Variants in VSIR observed in about 807,000 individuals in gnomAD.
The protein encoded by VSIR is V-set immunoregulatory receptor.
VSIR carries 10 observed loss-of-function variants against 31.0 expected under a neutral mutation model. The ratio of observed to expected loss-of-function variants is 0.32; its 90% CI spans 0.20 to 0.55. The LOEUF (loss-of-function observed/expected upper bound fraction) is 0.55. Ranked by LOEUF, VSIR falls within the 20% of genes least tolerant of loss-of-function variation. The probability of loss-of-function intolerance (pLI) is 0.93; values close to 1 mark genes in which losing one functional copy is unlikely to be tolerated. For synonymous variants in VSIR, 179 were observed against 180.1 expected (o/e 0.99, Z 0.05); for missense variants, 356 against 416.2 (o/e 0.86, Z 1.26).
chr10:71,753,084 C>A, intron 4 of VSIR, 82 bp from the exon 5 acceptor site: 2 of 1,534,238 alleles, frequency 1.3e-6, no homozygotes, highest in Non-Finnish European at 1.8e-6. Context: ...GGCAGATGCC[C>A]TGCAGGGAAC....
intron 1 of VSIR, among the ~76,000 whole-genome samples, chr10:71,773,110 A>G (rs556608119): frequency 1.6e-4 from 25 of 152,270 alleles, no homozygotes; most frequent in Non-Finnish European, 1.3e-4. Context: ...CCCTCAGGGG[A>G]CAGCCCTGCC....
At chr10:71,764,170 G>C (rs1358947313) in intron 1 of VSIR, among the ~76,000 whole-genome samples, 1 of 152,180 alleles carries the variant, frequency 6.6e-6, no homozygotes, top group Non-Finnish European at 1.5e-5. Flanking sequence ...GAGCATGGGG[G>C]ACTTCAGGTA....
chr10:71,769,303 TC>T (rs1437238013), intron 1 of VSIR, among the ~76,000 whole-genome samples: 1 of 152,204 alleles, frequency 6.6e-6, no homozygotes, highest in African/African-American at 2.4e-5. Context: ...GTTTTCAGAC[TC>T]CGAGCCTTCC....
chr10:71,755,240 C>T, intron 4 of VSIR, 119 bp downstream of exon 4: 2 of 956,072 alleles, frequency 2.1e-6, no homozygotes, highest in Non-Finnish European at 3.2e-6. Context: ...CTGCTCCCAA[C>T]TCTCAAATGA....
At chr10:71,765,835 T>C (rs1468516251) in intron 1 of VSIR, among the ~76,000 whole-genome samples, 2 of 152,114 alleles carry the variant, frequency 1.3e-5, no homozygotes, top group Non-Finnish European at 2.9e-5. Context: ...TGTTCAGTTT[T>C]CAAGCAAGAG....
chr10:71,761,716 G>A lies in VSIR; in HGVS notation c.393C>T (p.Ile131=). The A allele has an allele frequency of 6.2e-7, 1 of 1,614,124 alleles. No homozygotes were observed. Among genetic ancestry groups the A allele is most frequent in the Non-Finnish European group, 8.5e-7 (1 of 1,180,042 alleles). The part of the protein sequence containing the change: ...SASDHHGNFS[I]TMRNLTLLDS... ...CCAGCAGGGTCAGGTTGCGCATGGT[G>A]ATGGAGAAGTTGCCATGGTGGTCGG... is the stretch of plus-strand genomic sequence containing the variant. Residue 131 remains isoleucine (I), a synonymous_variant, in exon 2 of 7, where the codon ATC becomes ATT. Coordinates refer to ENST00000394957, the MANE Select transcript of VSIR (RefSeq NM_022153.2).
Position 71,748,551 on chromosome 10 carries a change from G to C in VSIR, c.*2702C>G, listed in dbSNP as rs762380043. The stretch of plus-strand genomic sequence containing the variant: ...GTCTCTATTAAACTGTGAATGTCAG[G>C]AGATAGGTAAGATGGCCCCTAATTC... On this transcript the variant is annotated 3_prime_UTR_variant, in exon 7 of 7. Coordinates refer to ENST00000394957, the MANE Select transcript of VSIR (RefSeq NM_022153.2). 1 of 152,272 alleles carries C rather than the reference G, an allele frequency of 6.6e-6. No individual in the cohort carries two copies. Among genetic ancestry groups the C allele is most frequent in the Non-Finnish European group, 1.5e-5 (1 of 68,048 alleles). The allele number at this position is 152,272 out of a possible 1,614,324, so 9.4% of individuals were successfully genotyped here.
In VSIR at chr10:71,750,271, G is replaced by C. The variant is rs1290784548; in HGVS notation, c.*982C>G. The C allele has an allele frequency of 6.6e-6, 1 of 152,354 alleles. No individual in the cohort carries two copies. 9.4% of individuals were successfully genotyped at this position (152,354 alleles called of 1,614,324 possible). ...AGGTGGGGGTGGGGGAGGAGCAGCAGAGTGCAGATTTAAACTGGCTCTTAC... is the reference window on the plus strand; with the variant it reads ...AGGTGGGGGTGGGGGAGGAGCAGCACAGTGCAGATTTAAACTGGCTCTTAC... On this transcript the variant is annotated 3_prime_UTR_variant, in exon 7 of 7. Coordinates refer to ENST00000394957, the MANE Select transcript of VSIR (RefSeq NM_022153.2).
chr10:71,760,247 GTA>G (rs374621711), intron 3 of VSIR, among the ~76,000 whole-genome samples: 234 of 12,422 alleles, frequency 0.019, 75 homozygotes, highest in African/African-American at 0.035. Context: ...ACATATATAT[GTA>G]TGTATATATA....
Position 71,748,649 on chromosome 10 carries a change from C to A in VSIR, c.*2604G>T, listed in dbSNP as rs3747856. ...CCTCTCAGGGCCTCAGACTGTGCCA[C>A]GAATCCAGCGCTCCAGGAGCCTCCT... On this transcript the variant is annotated 3_prime_UTR_variant, in exon 7 of 7. Coordinates refer to ENST00000394957, the MANE Select transcript of VSIR (RefSeq NM_022153.2). 1.3e-5 allele frequency: 2 copies of A among 152,508 alleles called. No individual in the cohort carries two copies. The highest frequency in any genetic ancestry group is 2.9e-5 in the Non-Finnish European group (2 of 68,058). 9.4% of individuals were successfully genotyped at this position (152,508 alleles called of 1,614,324 possible). A position where few individuals can be genotyped will look rare whatever the true frequency, so the allele number is the denominator to read the frequency against.
chr10:71,753,022 G>C lies in VSIR; in HGVS notation c.677-20C>G. On this transcript the variant is annotated intron_variant, in intron 4 of 6. Coordinates refer to ENST00000394957, the MANE Select transcript of VSIR (RefSeq NM_022153.2). Reference sequence around the variant, plus strand: ...GGGCACCTAGGGACAGACAGACAGAGAAGCTGGTCATGGAAGGGAAGGCTT... The same window carrying C: ...GGGCACCTAGGGACAGACAGACAGACAAGCTGGTCATGGAAGGGAAGGCTT... 1 of 1,611,572 alleles carries C rather than the reference G, an allele frequency of 6.2e-7. No homozygotes were observed. Among genetic ancestry groups the C allele is most frequent in the Non-Finnish European group, 8.5e-7 (1 of 1,178,656 alleles).
chr10:71,770,789 G>A (rs1434012212), intron 1 of VSIR, among the ~76,000 whole-genome samples: 4 of 152,152 alleles, frequency 2.6e-5, no homozygotes, highest in South Asian at 2.1e-4. Flanking sequence ...AGACCCCAGC[G>A]GAACCTTTGC....
At position 71,753,866 on chromosome 10, in the gene VSIR, G is replaced by A. The variant is rs16929304; in HGVS notation, c.677-864C>T. 1.1e-3 allele frequency: 482 copies of A among 456,426 alleles called. 1 individual carries two copies. The highest frequency in any genetic ancestry group is 5.6e-3 in the Admixed American group (237 of 42,562). 28.3% of individuals were successfully genotyped at this position (456,426 alleles called of 1,614,324 possible). A position where few individuals can be genotyped will look rare whatever the true frequency, so the allele number is the denominator to read the frequency against. On this transcript the variant is annotated intron_variant, in intron 4 of 6. Transcript: ENST00000394957. ...CAAACCATGGCTATTGCTTACAGCC[G>A]ACTCATGGGTCAGGCTTCGTGCAGG...
At position 71,751,807 on chromosome 10, in the gene VSIR, C is replaced by T. The variant is rs961111498; in HGVS notation, c.759G>A (p.Gly253=). ...GGTGCCTGACTTTGGCCTCGGGTAT[C>T]CCCTGGGCAGGTGGTGAGGCTTCAA... The part of the protein sequence containing the change: ...PGFEASPPAQ[G]IPEAKVRHPL... Residue 253 remains glycine, a synonymous_variant, in exon 6 of 7, where the codon GGG becomes GGA. Transcript: ENST00000394957. The surrounding 1 kb of genome is among the most constrained non-coding windows in gnomAD (Gnocchi z 4.9). 3 of 1,587,138 alleles carry T rather than the reference C, an allele frequency of 1.9e-6. No homozygotes were observed. The highest frequency in any genetic ancestry group is 2.7e-5 in the African/African-American group (2 of 73,652).
At chr10:71,760,026 TAC>T (rs754921916) in intron 3 of VSIR, among the ~76,000 whole-genome samples, 3,084 of 66,612 alleles carry the variant, frequency 0.046, 809 homozygotes, top group African/African-American at 0.12. Context: ...CACACATATA[TAC>T]ACACACACAC....
At chr10:71,768,330 C>A (rs188952732) in intron 1 of VSIR, among the ~76,000 whole-genome samples, 4 of 152,236 alleles carry the variant, frequency 2.6e-5, no homozygotes, top group African/African-American at 9.6e-5. Context: ...GCCACCACGC[C>A]TGGCTAATTT....
intron 4 of VSIR, chr10:71,755,109 T>C (rs1223901562): frequency 3.1e-6 from 2 of 637,898 alleles, no homozygotes; most frequent in Non-Finnish European, 5.8e-6. Flanking sequence ...TCAGAAGACA[T>C]GTATTGAGTG....
chr10:71,768,076 T>C (rs1200010933), intron 1 of VSIR, among the ~76,000 whole-genome samples: 1 of 152,222 alleles, frequency 6.6e-6, no homozygotes, highest in Non-Finnish European at 1.5e-5. Context: ...TGTGAAGACG[T>C]CCTCAGGGTC....
chr10:71,762,051 T>A (rs1265976434), intron 1 of VSIR, 25 bp from the exon 2 acceptor site: 2 of 1,567,984 alleles, frequency 1.3e-6, no homozygotes, highest in Non-Finnish European at 1.7e-6. Context: ...GAGAGCCCTG[T>A]CACCTGACTG....
Sources: gnomAD v4.1 joint callset for allele counts (sites outside exome capture counted in the v4.1 genomes callset) on GRCh38, gnomAD v4.1.1 for gene constraint, Gnocchi (gnomAD v3.1) non-coding constraint, MANE v1.5 for transcripts, NCBI Gene and HGNC (gene_info 2026-07-23, HGNC 2026-07-21) for gene names.